The following SLC27A5 variants were observed in gnomAD, a reference collection of about 807,000 sequenced individuals.
The protein encoded by SLC27A5 is solute carrier family 27 member 5.
Under a neutral mutation model 63.1 loss-of-function variants are expected in SLC27A5, and 47 were observed. The observed-to-expected ratio is 0.74, with a 90% CI of 0.59 to 0.95. The LOEUF (loss-of-function observed/expected upper bound fraction) is 0.95, where lower values mean the gene tolerates loss of function less well. SLC27A5 is among the 40% of genes least tolerant of loss of function. The probability of loss-of-function intolerance (pLI) is 0.00; values close to 1 mark genes in which losing one functional copy is unlikely to be tolerated. For synonymous variants in SLC27A5, 391 were observed against 403.8 expected (o/e 0.97, Z 0.38); for missense variants, 940 against 921.0 (o/e 1.02, Z -0.27).
In SLC27A5 at chr19:58,510,022, G is replaced by A; in HGVS notation, c.899-17C>T. On this transcript the variant is annotated splice_polypyrimidine_tract_variant and intron_variant, in intron 2 of 9. Transcript: ENST00000263093. Reference sequence around the variant, plus strand: ...TCGGGAGGCCTTGGGATGAAGGCATGGCAAGGGCAGGGTGGTGACATGACA... The same window carrying A: ...TCGGGAGGCCTTGGGATGAAGGCATAGCAAGGGCAGGGTGGTGACATGACA... 6.2e-7 allele frequency: 1 copy of A among 1,609,796 alleles called. No individual in the cohort carries two copies. The highest frequency in any genetic ancestry group is 8.5e-7 in the Non-Finnish European group (1 of 1,177,882).
intron 6 of SLC27A5, 123 bp from the exon 7 acceptor site, chr19:58,499,813 G>C: frequency 1.2e-6 from 1 of 849,878 alleles, no homozygotes. Context: ...CAAAGACACA[G>C]ACAGGGAGAT....
At chr19:58,500,192 G>T (rs1215778377) in intron 6 of SLC27A5, 147 bp downstream of exon 6, 1 of 663,538 alleles carries the variant, frequency 1.5e-6, no homozygotes, top group Non-Finnish European at 2.6e-6. Context: ...TGGTGGTAAG[G>T]CAGGCCACTG....
chr19:58,500,284 G>GA, intron 6 of SLC27A5, 55 bp downstream of exon 6: 1 of 1,449,776 alleles, frequency 6.9e-7, no homozygotes, highest in African/African-American at 1.4e-5. Flanking sequence ...CAGCCAAGCA[G>GA]AAGACTGAGG....
chr19:58,498,937 C>G (rs373860145), intron 8 of SLC27A5, 22 bp from the exon 9 acceptor site: 6 of 1,604,406 alleles, frequency 3.7e-6, no homozygotes, highest in Non-Finnish European at 5.1e-6. Flanking sequence ...TCTGGTCACT[C>G]TCGGCTGACC....
Position 58,511,905 on chromosome 19 carries a change from G to A in SLC27A5, c.51C>T (p.Leu17=). 1 of 1,547,998 alleles carries A rather than the reference G, an allele frequency of 6.5e-7. No individual in the cohort carries two copies. The highest frequency in any genetic ancestry group is 8.7e-7 in the Non-Finnish European group (1 of 1,146,582). The change falls in exon 1 of 10, where the codon CTC becomes CTT. Residue 17 remains leucine (L), a synonymous_variant. Transcript: ENST00000263093. The part of the protein sequence containing the change: ...LALLLLLLLL[L]WGLGQPVWPV... The stretch of plus-strand genomic sequence containing the variant: ...GCCACACTGGCTGCCCCAGGCCCCA[G>A]AGCAGGAGCAGCAGCAGCAGCAGCA...
At chr19:58,498,969 A>C (rs1600025884) in intron 8 of SLC27A5, 54 bp from the exon 9 acceptor site, 1 of 1,593,080 alleles carries the variant, frequency 6.3e-7, no homozygotes, top group Non-Finnish European at 8.5e-7. Flanking sequence ...CCCATAGCTG[A>C]CCCTCCAGCC....
At chr19:58,498,736 C>A (rs372879780) in intron 9 of SLC27A5, 45 bp from the exon 10 acceptor site, 1 of 1,610,164 alleles carries the variant, frequency 6.2e-7, no homozygotes, top group East Asian at 2.2e-5. Flanking sequence ...CATCCACCCG[C>A]CCCCTGGCTA....
At chr19:58,500,802 T>C (rs1258716880) in intron 4 of SLC27A5, 96 bp from the exon 5 acceptor site, 1 of 1,525,690 alleles carries the variant, frequency 6.6e-7, no homozygotes, top group Non-Finnish European at 8.8e-7. Flanking sequence ...GTCCTTACCT[T>C]GGGAGTTACC....
chr19:58,501,514 G>A, intron 3 of SLC27A5, 104 bp from the exon 4 acceptor site: 1 of 1,270,664 alleles, frequency 7.9e-7, no homozygotes, highest in Non-Finnish European at 1.1e-6. Context: ...TGAAATACAG[G>A]ACAATACTGA....
intron 2 of SLC27A5, chr19:58,510,400 C>G (rs2122527958): frequency 3.0e-6 from 1 of 333,070 alleles, no homozygotes; most frequent in East Asian, 5.8e-5. Flanking sequence ...TTGGGGAAAC[C>G]CTGTCTCTAC....
intron 6 of SLC27A5, 75 bp from the exon 7 acceptor site, chr19:58,499,765 G>A: frequency 7.0e-7 from 1 of 1,432,156 alleles, no homozygotes; most frequent in Non-Finnish European, 9.6e-7. Flanking sequence ...CAACAACGGT[G>A]GACTCTTCAT....
chr19:58,498,639 C>T lies in SLC27A5; in HGVS notation c.1949G>A (p.Arg650His). Residue 650 changes from arginine to histidine, a missense_variant, in exon 10 of 10, where the codon CGT becomes CAT. Coordinates refer to ENST00000263093, the MANE Select transcript of SLC27A5 (RefSeq NM_012254.3). ...CACGATCCCCACATTGAAGCCCTCA[C>T]GCACCAACCGGGTCTTCATCAGTTT... The part of the protein sequence containing the change: ...TFKLMKTRLV[R>H]EGFNVGIVVD... 1.9e-6 allele frequency: 3 copies of T among 1,614,164 alleles called. No homozygotes were observed. Among genetic ancestry groups the T allele is most frequent in the Non-Finnish European group, 2.5e-6 (3 of 1,180,026 alleles).
At chr19:58,510,997 A>C in intron 1 of SLC27A5, 67 bp from the exon 2 acceptor site, 1 of 1,317,994 alleles carries the variant, frequency 7.6e-7, no homozygotes. Context: ...GCGGGATCTG[A>C]GACCCACAGA....
chr19:58,499,413 C>G, intron 7 of SLC27A5, 79 bp downstream of exon 7: 4 of 1,507,376 alleles, frequency 2.7e-6, no homozygotes, highest in Non-Finnish European at 2.7e-6. Context: ...AGTCCCGCCT[C>G]TTCAGCCTGA....
At chr19:58,509,723 C>T in intron 3 of SLC27A5, 124 bp downstream of exon 3, 1 of 860,376 alleles carries the variant, frequency 1.2e-6, no homozygotes, top group Non-Finnish European at 1.7e-6. Flanking sequence ...GGTGGGTGTC[C>T]CTTCTCAAAA....
rs1458378154 is a variant in SLC27A5, at chr19:58,509,988, T to C, written c.916A>G (p.Ile306Val). 1.9e-6 allele frequency: 3 copies of C among 1,613,680 alleles called. No individual in the cohort carries two copies. The highest frequency in any genetic ancestry group is 2.5e-6 in the Non-Finnish European group (3 of 1,179,910). ...TGCAGTACCCGCTCATGCGTGAGGA[T>C]GGCTGGCTTCGGGAGGCCTTGGGAT... Reference protein sequence around the residue: ...SGTTGLPKPAILTHERVLQMS... With the variant: ...SGTTGLPKPAVLTHERVLQMS... The change falls in exon 3 of 10, where the codon ATC becomes GTC. Residue 306 changes from isoleucine to valine, a missense_variant. By Grantham distance (29) the Ile-to-Val change is conservative. Coordinates refer to ENST00000263093, the MANE Select transcript of SLC27A5 (RefSeq NM_012254.3).
At position 58,498,789 on chromosome 19, in the gene SLC27A5, A is replaced by T. The variant is rs779948431; in HGVS notation, c.1892T>A (p.Ile631Asn). ...PAYATPHFIR[I>N]QDAMEVTSTF... ...ACCAGGCCACCCTGGGCTCACCTGG[A>T]TGCGGATGAAATGGGGGGTAGCGTA... Residue 631 changes from isoleucine (I) to asparagine (N), a missense_variant, in exon 9 of 10, where the codon ATC becomes AAC. By Grantham distance (149) the Ile-to-Asn change is moderately radical. Transcript: ENST00000263093. 3.7e-6 allele frequency: 6 copies of T among 1,613,812 alleles called. 1 individual carries two copies. The South Asian group carries it at 6.6e-5, about 18-fold the overall frequency.
intron 3 of SLC27A5, among the ~76,000 whole-genome samples, chr19:58,507,033 G>A (rs985428607): frequency 4.6e-5 from 7 of 151,178 alleles, no homozygotes; most frequent in East Asian, 2.0e-4. Flanking sequence ...GTGAACCACC[G>A]GGCACAGCTA....
At chr19:58,503,231 AGATG>A (rs2053304627) in intron 3 of SLC27A5, among the ~76,000 whole-genome samples, 1 of 150,622 alleles carries the variant, frequency 6.6e-6, no homozygotes, top group South Asian at 2.1e-4. Flanking sequence ...AAAAAGAGAA[AGATG>A]GATAGGTGTA....
Sources: allele counts gnomAD v4.1 joint callset (sites outside exome capture counted in the v4.1 genomes callset), GRCh38; gene constraint gnomAD v4.1.1; transcripts MANE v1.5; gene names NCBI Gene and HGNC (gene_info 2026-07-23, HGNC 2026-07-21).